NLRP14: variants seen among roughly 807,000 people sequenced by gnomAD.
The protein encoded by NLRP14 is NACHT, LRR and PYD domains-containing protein 14.
A neutral mutation model predicts 94.7 loss-of-function variants in NLRP14; 105 were observed. The observed-to-expected ratio is 1.11, with a 90% CI of 0.95 to 1.30. NLRP14 has a LOEUF of 1.30. Ranked by LOEUF, NLRP14 falls within the 50% of genes most tolerant of loss-of-function variation. NLRP14 has a pLI of 0.00. For missense variants in NLRP14, 1,362 were observed against 1,254.1 expected, an observed-to-expected ratio of 1.09 and a Z score of -1.30; for synonymous variants, 508 against 459.9, an observed-to-expected ratio of 1.10 and a Z score of -1.34.
chr11:7,082,418 T>A, the NLRP14 span, among the ~76,000 whole-genome samples: 1 of 152,206 alleles, frequency 6.6e-6, no homozygotes, highest in South Asian at 2.1e-4. Flanking sequence ...ATTAGTTCAG[T>A]CTATTATCAT....
Position 7,042,374 on chromosome 11 carries a change from C to T in NLRP14, c.362-14C>T, listed in dbSNP as rs760790480. The T allele has an allele frequency of 1.2e-6, 2 of 1,610,324 alleles. No homozygotes were observed. ...CTTTGTTTTTGTTTTTTTACCTTTG[C>T]CATTCTGACTTAGGTGATGGAACAG... On this transcript the variant is annotated splice_polypyrimidine_tract_variant and intron_variant, in intron 3 of 11. Transcript: ENST00000299481.
At chr11:7,054,490 T>C (rs1852491443) in intron 6 of NLRP14, among the ~76,000 whole-genome samples, 1 of 152,162 alleles carries the variant, frequency 6.6e-6, no homozygotes, top group African/African-American at 2.4e-5. Flanking sequence ...GAATTTTGGA[T>C]AGGTCATTTT....
At chr11:7,052,259 G>T (rs761058283) in intron 6 of NLRP14, among the ~76,000 whole-genome samples, 11 of 152,106 alleles carry the variant, frequency 7.2e-5, no homozygotes, top group African/African-American at 2.2e-4. Flanking sequence ...TACCAAAATG[G>T]CATATAAATG....
At chr11:7,082,327 T>C in the NLRP14 span, among the ~76,000 whole-genome samples, 1 of 152,192 alleles carries the variant, frequency 6.6e-6, no homozygotes, top group South Asian at 2.1e-4. Context: ...TGTAAAACAA[T>C]ATTACATTAT....
the NLRP14 span, among the ~76,000 whole-genome samples, chr11:7,077,257 A>C: frequency 6.6e-6 from 1 of 152,228 alleles, no homozygotes; most frequent in African/African-American, 2.4e-5. Flanking sequence ...TGCGGCTGGA[A>C]AGGAGGTGAC....
chr11:7,076,503 A>G (rs1465291545), downstream of NLRP14, among the ~76,000 whole-genome samples: 1 of 152,112 alleles, frequency 6.6e-6, no homozygotes. Context: ...CATTAAGGCT[A>G]TGCATTTCCC....
At chr11:7,023,515 A>G (rs1851973542) in intron 1 of NLRP14, among the ~76,000 whole-genome samples, 1 of 120,698 alleles carries the variant, frequency 8.3e-6, no homozygotes, top group Admixed American at 9.5e-5. Context: ...TTTATGTATT[A>G]ATATATAAAA....
chr11:7,024,718 A>C (rs1851990828), intron 1 of NLRP14, among the ~76,000 whole-genome samples: 1 of 152,180 alleles, frequency 6.6e-6, no homozygotes, highest in Non-Finnish European at 1.5e-5. Context: ...ATCTCTAATA[A>C]GCTTAGAACA....
At chr11:7,072,579 G>A (rs947573792), downstream of NLRP14, among the ~76,000 whole-genome samples, 1 of 152,152 alleles carries the variant, frequency 6.6e-6, no homozygotes, top group Non-Finnish European at 1.5e-5. Context: ...CCCTTGGGCG[G>A]GTTGTTGCTT....
At chr11:7,076,591 C>A in the NLRP14 span, among the ~76,000 whole-genome samples, 10 of 152,154 alleles carry the variant, frequency 6.6e-5, no homozygotes, top group Admixed American at 1.3e-4. Flanking sequence ...GATCCCTTAA[C>A]CTGCAGTTGA....
At chr11:7,089,895 GACC>G in the NLRP14 span, 1 of 1,612,942 alleles carries the variant, frequency 6.2e-7, no homozygotes, top group South Asian at 1.1e-5. Flanking sequence ...AGGCTACAGC[GACC>G]GAGACGGCTA....
chr11:7,076,537 C>A, the NLRP14 span, among the ~76,000 whole-genome samples: 1 of 152,118 alleles, frequency 6.6e-6, no homozygotes, highest in African/African-American at 2.4e-5. Flanking sequence ...TCCTCTCTGG[C>A]CACTCAGCTC....
At chr11:7,053,969 T>A (rs1852481375) in intron 6 of NLRP14, among the ~76,000 whole-genome samples, 1 of 152,172 alleles carries the variant, frequency 6.6e-6, no homozygotes. Context: ...CTTCCTAGCC[T>A]CTGATAACCA....
chr11:7,031,611 G>A (rs1482936545), intron 1 of NLRP14, among the ~76,000 whole-genome samples: 1 of 152,156 alleles, frequency 6.6e-6, no homozygotes, highest in African/African-American at 2.4e-5. Context: ...AAAGCGGTAT[G>A]AATAGCCCCA....
At chr11:7,047,811 G>GT (rs1852381580) in intron 5 of NLRP14, among the ~76,000 whole-genome samples, 1 of 139,452 alleles carries the variant, frequency 7.2e-6, no homozygotes, top group Non-Finnish European at 1.5e-5. Flanking sequence ...CCAGGCTGGA[G>GT]TGTAGTGGCA....
intron 1 of NLRP14, among the ~76,000 whole-genome samples, chr11:7,029,745 G>A (rs976412570): frequency 6.6e-6 from 1 of 152,150 alleles, no homozygotes; most frequent in Non-Finnish European, 1.5e-5. Flanking sequence ...GCACATTATA[G>A]CAATTTAATA....
At chr11:7,021,312 G>A (rs1044170340) in intron 1 of NLRP14, among the ~76,000 whole-genome samples, 4 of 152,256 alleles carry the variant, frequency 2.6e-5, no homozygotes, top group Admixed American at 6.5e-5. Flanking sequence ...CACATAGGAA[G>A]TAGTCTTGTG....
chr11:7,039,024 G>A (rs1852206511), intron 2 of NLRP14, 149 bp downstream of exon 2: 1 of 748,182 alleles, frequency 1.3e-6, no homozygotes. Context: ...GGAGCTTGTT[G>A]AATTATTTGA....
intron 9 of NLRP14, among the ~76,000 whole-genome samples, chr11:7,061,727 T>C (rs982432700): frequency 1.3e-5 from 2 of 152,000 alleles, no homozygotes; most frequent in African/African-American, 4.8e-5. Context: ...TGATGAAGAT[T>C]CTGTTATGTG....
Sources: gnomAD v4.1 joint callset for allele counts (sites outside exome capture counted in the v4.1 genomes callset) on GRCh38, gnomAD v4.1.1 for gene constraint, MANE v1.5 for transcripts, NCBI Gene and HGNC (gene_info 2026-07-23, HGNC 2026-07-21) for gene names.